The following COL12A1 variants were observed in gnomAD, a reference collection of about 807,000 sequenced individuals.
COL12A1 encodes the protein collagen type XII alpha 1 chain, also known as collagen alpha-1(XII) chain.
In COL12A1, 114 loss-of-function variants were observed where a neutral mutation model predicts 349.7. The ratio of observed to expected loss-of-function variants is 0.33; its 90% CI spans 0.28 to 0.38. COL12A1 has a LOEUF of 0.38. Among genes scored for constraint, COL12A1 ranks in the 10% least tolerant of loss-of-function variants. The probability of loss-of-function intolerance (pLI) is 1.00; values close to 1 mark genes in which losing one functional copy is unlikely to be tolerated. For synonymous variants in COL12A1, 1,369 were observed against 1,329.0 expected, an observed-to-expected ratio of 1.03 and a Z score of -0.66; for missense variants, 3,284 against 3,756.9, an observed-to-expected ratio of 0.87 and a Z score of 3.29.
intron 2 of COL12A1, among the ~76,000 whole-genome samples, chr6:75,199,257 G>A (rs1303648712): frequency 6.6e-6 from 1 of 152,172 alleles, no homozygotes; most frequent in African/African-American, 2.4e-5. Flanking sequence ...AGTTGACCAA[G>A]TGATTCAGCC....
intron 20 of COL12A1, 108 bp downstream of exon 20, chr6:75,151,758 GA>G (rs1292099708): frequency 3.0e-5 from 36 of 1,191,212 alleles, no homozygotes; most frequent in Non-Finnish European, 3.8e-5. Flanking sequence ...TTATGTGATA[GA>G]AAAAAATGGG....
intron 21 of COL12A1, among the ~76,000 whole-genome samples, chr6:75,150,417 A>C (rs551339044): frequency 6.6e-6 from 1 of 152,298 alleles, no homozygotes; most frequent in Non-Finnish European, 1.5e-5. Flanking sequence ...CATTTGACCC[A>C]GACCAAGTAA....
At position 75,085,276 on chromosome 6, in the gene COL12A1, C is replaced by A. The variant is rs936480417; in HGVS notation, c.*1271G>T. ...TCTGCAGGCTCGTCTGCGCCGTAGT[C>A]CTCGTATTCCGCTGTCCGCTCGGGC... is the stretch of plus-strand genomic sequence containing the variant. On this transcript the variant is annotated 3_prime_UTR_variant, in exon 66 of 66. Coordinates refer to ENST00000322507, the MANE Select transcript of COL12A1 (RefSeq NM_004370.6). 1 of 470,962 alleles carries A rather than the reference C, an allele frequency of 2.1e-6. No individual in the cohort carries two copies. The highest frequency in any genetic ancestry group is 2.0e-5 in the African/African-American group (1 of 50,094). The allele number at this position is 470,962 out of a possible 1,614,324, so 29.2% of individuals were successfully genotyped here.
chr6:75,113,238 T>A lies in COL12A1; in HGVS notation c.7916A>T (p.Glu2639Val), dbSNP rs1308666662. 1 of 1,564,824 alleles carries A rather than the reference T, an allele frequency of 6.4e-7. No homozygotes were observed. The highest frequency in any genetic ancestry group is 1.4e-5 in the African/African-American group (1 of 72,518). Residue 2639 changes from glutamate to valine, a missense_variant, in exon 51 of 66, where the codon GAA becomes GTA. Around this residue, in one of 2 missense-constraint regions of COL12A1, gnomAD observed 683 missense variants for 932.1 expected, o/e 0.73. Coordinates refer to ENST00000322507, the MANE Select transcript of COL12A1 (RefSeq NM_004370.6). ...ACTTCCATAAAATAATGTCTTTACT[T>A]CTTCTGTGTCAAATGTAACAGTTTG... is the stretch of plus-strand genomic sequence containing the variant. ...EVQTVTFDTEEVKTLFYGSFH... is the reference protein window; with the variant it reads ...EVQTVTFDTEVVKTLFYGSFH...
rs769471017 is a variant in COL12A1 at position 75,194,853 on chromosome 6, T to C, written c.168A>G (p.Arg56=). Residue 56 remains arginine (R), a synonymous_variant, in exon 3 of 66, where the codon AGA becomes AGG. Coordinates refer to ENST00000322507, the MANE Select transcript of COL12A1 (RefSeq NM_004370.6). The stretch of plus-strand genomic sequence containing the variant: ...TACCCGTTGTAGGGTCCACCGTTAT[T>C]CTGTAACCCACAATTGGATCAACTG... ...AKPVDPIVGY[R]ITVDPTTDGP... The C allele has an allele frequency of 6.2e-7, 1 of 1,611,396 alleles. No individual in the cohort carries two copies. Among genetic ancestry groups the C allele is most frequent in the Admixed American group, 1.7e-5 (1 of 59,782 alleles).
Position 75,087,745 on chromosome 6 carries a change from G to A in COL12A1, c.9013C>T (p.Pro3005Ser). 1.9e-6 allele frequency: 3 copies of A among 1,604,734 alleles called. No homozygotes were observed. The highest frequency in any genetic ancestry group is 2.5e-6 in the Non-Finnish European group (3 of 1,177,150). ...GPRGLPGPPG[P>S]QGESRTGPPG... Reference sequence around the variant, plus strand: ...GGACCTGTTCTGGATTCTCCTTGTGGACCTAGTGTGGAGTTAAAACAAATA... The same window carrying A: ...GGACCTGTTCTGGATTCTCCTTGTGAACCTAGTGTGGAGTTAAAACAAATA... Residue 3005 changes from proline to serine, a missense_variant and splice_region_variant, in exon 65 of 66, where the codon CCA becomes TCA. By Grantham distance (74) the Pro-to-Ser change is moderately conservative. Transcript: ENST00000322507.
rs1320362206 is a variant in COL12A1 at position 75,085,160 on chromosome 6, A to T, written c.*1387T>A. 2.2e-6 allele frequency: 1 copy of T among 455,870 alleles called. No individual in the cohort carries two copies. Among genetic ancestry groups the T allele is most frequent in the East Asian group, 7.0e-5 (1 of 14,200 alleles). The allele number at this position is 455,870 out of a possible 1,614,324, so 28.2% of individuals were successfully genotyped here. A position where few individuals can be genotyped will look rare whatever the true frequency, so the allele number is the denominator to read the frequency against. On this transcript the variant is annotated 3_prime_UTR_variant, in exon 66 of 66. Coordinates refer to ENST00000322507, the MANE Select transcript of COL12A1 (RefSeq NM_004370.6). ...AATGAGAATTTCAACACCTCCCCCA[A>T]GCCTCGCGGCGCGGCGCGTGATCTC...
chr6:75,145,178 C>T (rs914803676), intron 25 of COL12A1, 148 bp downstream of exon 25: 7 of 804,630 alleles, frequency 8.7e-6, no homozygotes, highest in African/African-American at 1.8e-5. Flanking sequence ...AGAATTGAGA[C>T]ATTTATTCTC....
chr6:75,111,433 C>T, intron 51 of COL12A1, among the ~76,000 whole-genome samples: 1 of 151,540 alleles, frequency 6.6e-6, no homozygotes, highest in Non-Finnish European at 1.5e-5. Context: ...CACTACAGAC[C>T]TCTAAAAAAT....
chr6:75,087,523 C>G (rs565801419), intron 65 of COL12A1, 54 bp downstream of exon 65: 3 of 1,582,448 alleles, frequency 1.9e-6, no homozygotes, highest in Admixed American at 1.8e-5. Flanking sequence ...ACTTCATTTC[C>G]GTAAAGTTCT....
intron 13 of COL12A1, among the ~76,000 whole-genome samples, chr6:75,173,436 G>T (rs768378636): frequency 6.6e-6 from 1 of 151,950 alleles, no homozygotes; most frequent in Non-Finnish European, 1.5e-5. Flanking sequence ...GAGTGCAATG[G>T]TGCAATCTCG....
chr6:75,145,781 G>T (rs1450553923), intron 24 of COL12A1, among the ~76,000 whole-genome samples: 1 of 151,806 alleles, frequency 6.6e-6, no homozygotes, highest in East Asian at 1.9e-4. Flanking sequence ...ACAGGTACTT[G>T]CCACCACACC....
Position 75,125,589 on chromosome 6 carries a change from A to G in COL12A1, c.6461-316T>C, listed in dbSNP as rs6453815. ...CTATTTTGCCAACATAGTGTTTTGC[A>G]TATAGTAGGTGTCCAACTGACACTT... On this transcript the variant is annotated intron_variant, in intron 39 of 65. Transcript: ENST00000322507. Among the ~76,000 whole-genome samples the G allele has an allele frequency of 0.73, 111,403 of 152,052 alleles. 42,625 individuals are homozygous for G. The highest frequency in any genetic ancestry group is 0.84 in the Non-Finnish European group (57,239 of 67,960).
intron 23 of COL12A1, 79 bp downstream of exon 23, chr6:75,147,596 G>T (rs1767263778): frequency 2.3e-6 from 3 of 1,319,492 alleles, no homozygotes; most frequent in Non-Finnish European, 3.1e-6. Flanking sequence ...GAAATTATTT[G>T]GAAGGTAGGC....
At position 75,125,144 on chromosome 6, in the gene COL12A1, G is replaced by A. The variant is rs117038107; in HGVS notation, c.6590C>T (p.Thr2197Ile). Residue 2197 changes from threonine to isoleucine, a missense_variant, in exon 40 of 66, where the codon ACA becomes ATA. Coordinates refer to ENST00000322507, the MANE Select transcript of COL12A1 (RefSeq NM_004370.6). Reference sequence around the variant, plus strand: ...TGACTCACATGTAGTGCCTTGATCTGTCAAGGGGACACTGAGTCCAGAATC... The same window carrying A: ...TGACTCACATGTAGTGCCTTGATCTATCAAGGGGACACTGAGTCCAGAATC... ...QYDSGLSVPLTDQGTTLYLNV... is the reference protein window; with the variant it reads ...QYDSGLSVPLIDQGTTLYLNV... The A allele has an allele frequency of 0.01, 16,864 of 1,610,238 alleles. 106 individuals are homozygous for A. Among genetic ancestry groups the A allele is most frequent in the Non-Finnish European group, 0.011 (13,514 of 1,178,024 alleles).
Position 75,199,682 on chromosome 6 carries a change from ACTCAGATACAGTTGATAAAGTCT to A in COL12A1, c.73+3015_73+3037del, listed in dbSNP as rs1770424118. On this transcript the variant is annotated intron_variant, in intron 2 of 65. Transcript: ENST00000322507. Reference sequence around the variant, plus strand: ...AAAAATAATTCATACATTCTAGGCCACTCAGATACAGTTGATAAAGTCTATGCAGTGATGCGGTTGATAAAGTC... The same window carrying A: ...AAAAATAATTCATACATTCTAGGCCAATGCAGTGATGCGGTTGATAAAGTC... Among the ~76,000 whole-genome samples the A allele has an allele frequency of 3.3e-5, 5 of 152,294 alleles. No individual in the cohort carries two copies. In the South Asian group the frequency reaches 1.0e-3, roughly 32 times the overall value.
intron 39 of COL12A1, among the ~76,000 whole-genome samples, 178 bp downstream of exon 39, chr6:75,126,173 T>C (rs898769681): frequency 6.6e-6 from 1 of 152,150 alleles, no homozygotes; most frequent in African/African-American, 2.4e-5. Context: ...ATAATAACAA[T>C]GGTACTTTAG....
chr6:75,117,503 A>G lies in COL12A1; in HGVS notation c.7398T>C (p.Asn2466=). ...FVVGVADVDY[N]ELANIASKPS... is the part of the protein sequence containing the mutation. Reference sequence around the variant, plus strand: ...GTTTGCTGGCAATGTTGGCAAGCTCATTGTAGTCGACATCAGCCACACCAA... The same window carrying G: ...GTTTGCTGGCAATGTTGGCAAGCTCGTTGTAGTCGACATCAGCCACACCAA... The change falls in exon 47 of 66, where the codon AAT becomes AAC. Residue 2466 remains asparagine, a synonymous_variant. Transcript: ENST00000322507. 5 of 1,613,672 alleles carry G rather than the reference A, an allele frequency of 3.1e-6. No individual in the cohort carries two copies. Among genetic ancestry groups the G allele is most frequent in the Non-Finnish European group, 4.2e-6 (5 of 1,179,650 alleles).
At chr6:75,127,528 A>G (rs532997010) in intron 38 of COL12A1, among the ~76,000 whole-genome samples, 1 of 152,328 alleles carries the variant, frequency 6.6e-6, no homozygotes, top group South Asian at 2.1e-4. Context: ...ACAGCAATGC[A>G]AATATCTACC....
Sources: allele counts gnomAD v4.1 joint callset (sites outside exome capture counted in the v4.1 genomes callset), GRCh38; gene constraint gnomAD v4.1.1; regional missense constraint gnomAD v4.1.1; transcripts MANE v1.5; gene names NCBI Gene and HGNC (gene_info 2026-07-23, HGNC 2026-07-21).